Variants in TUSC3 observed in about 807,000 individuals in gnomAD.
The protein encoded by TUSC3 is tumor suppressor candidate 3.
In TUSC3, 45 loss-of-function variants were observed where a neutral mutation model predicts 44.8. The observed-to-expected ratio is 1.00, with a 90% CI of 0.79 to 1.29. The LOEUF (loss-of-function observed/expected upper bound fraction) is 1.29, where lower values mean the gene tolerates loss of function less well. TUSC3 is among the 50% of genes most tolerant of loss of function. The pLI is 0.00. For synonymous variants in TUSC3, 212 were observed against 152.9 expected, an observed-to-expected ratio of 1.39 and a Z score of -2.85; for missense variants, 519 against 437.9, an observed-to-expected ratio of 1.19 and a Z score of -1.65.
At chr8:15,496,809 G>A (rs773810583) in intron 2 of TUSC3, among the ~76,000 whole-genome samples, 2 of 152,096 alleles carry the variant, frequency 1.3e-5, no homozygotes, top group South Asian at 2.1e-4. Flanking sequence ...TCACACTCAC[G>A]ATACATCACA....
Position 15,765,300 on chromosome 8 carries a change from A to G in TUSC3, c.*1144A>G, listed in dbSNP as rs774160275. On this transcript the variant is annotated 3_prime_UTR_variant, in exon 11 of 11. Transcript: ENST00000503731. ...ATGGATTTTTATATTCTGTGGAGTT[A>G]TCCAAATTAATTAGGGTTTAGGAAA... The G allele has an allele frequency of 4.6e-5, 7 of 152,014 alleles. No homozygotes were observed. The highest frequency in any genetic ancestry group is 6.6e-5 in the Admixed American group (1 of 15,236). The allele number at this position is 152,014 out of a possible 1,614,324, so 9.4% of individuals were successfully genotyped here.
At chr8:15,814,316 G>T in the TUSC3 span, among the ~76,000 whole-genome samples, 2 of 152,054 alleles carry the variant, frequency 1.3e-5, no homozygotes, top group African/African-American at 4.8e-5. Flanking sequence ...GAAGACATAA[G>T]CGCACCAAAA....
At chr8:15,691,436 G>T (rs1384370037) in intron 6 of TUSC3, among the ~76,000 whole-genome samples, 1 of 152,152 alleles carries the variant, frequency 6.6e-6, no homozygotes, top group Non-Finnish European at 1.5e-5. Flanking sequence ...TCTAGGTGGA[G>T]AGTTAAATTG....
chr8:15,541,630 C>T (rs750238723), intron 1 of TUSC3, among the ~76,000 whole-genome samples: 3 of 152,092 alleles, frequency 2.0e-5, no homozygotes, highest in African/African-American at 7.2e-5. Flanking sequence ...ATGTACCTCT[C>T]TTCAGCTTTT....
intron 1 of TUSC3, among the ~76,000 whole-genome samples, chr8:15,462,665 A>C (rs1205906378): frequency 6.6e-6 from 1 of 152,152 alleles, no homozygotes; most frequent in Non-Finnish European, 1.5e-5. Flanking sequence ...GTTGGTTCGC[A>C]GGCATTTAAT....
At chr8:15,661,881 C>T (rs988189738) in intron 4 of TUSC3, among the ~76,000 whole-genome samples, 2 of 151,844 alleles carry the variant, frequency 1.3e-5, no homozygotes, top group Non-Finnish European at 2.9e-5. Context: ...TCTGAATGGG[C>T]ATTTCTTCAT....
At chr8:15,782,327 TA>T in the TUSC3 span, among the ~76,000 whole-genome samples, 2 of 152,016 alleles carry the variant, frequency 1.3e-5, no homozygotes, top group Non-Finnish European at 2.9e-5. Context: ...AATTTTTTTT[TA>T]AGTAGCCAGG....
chr8:15,486,931 C>G (rs1276014387), intron 2 of TUSC3, among the ~76,000 whole-genome samples: 2 of 152,162 alleles, frequency 1.3e-5, no homozygotes, highest in Admixed American at 1.3e-4. Flanking sequence ...TCACTTAAAT[C>G]TTGCATCTTT....
chr8:15,826,228 G>C, the TUSC3 span, among the ~76,000 whole-genome samples: 32 of 152,146 alleles, frequency 2.1e-4, no homozygotes, highest in East Asian at 5.8e-3. Context: ...GGCTGCAGTG[G>C]GAATTTTGAA....
Position 15,563,882 on chromosome 8 carries a change from G to T in TUSC3, c.138+23314G>T, listed in dbSNP as rs577439522. Among the ~76,000 whole-genome samples, 19 of 152,038 alleles carry T rather than the reference G, an allele frequency of 1.2e-4. No individual in the cohort carries two copies. In the South Asian group the frequency reaches 4.0e-3, roughly 32 times the overall value. ...GTAGTCTCAGAATACCTATTAAACT[G>T]GTCTGGAAGTCTGGAAGATTGATAG... On this transcript the variant is annotated intron_variant, in intron 1 of 10. Coordinates refer to ENST00000503731, the MANE Select transcript of TUSC3 (RefSeq NM_006765.4).
At chr8:15,476,191 A>G (rs1800573359) in intron 1 of TUSC3, among the ~76,000 whole-genome samples, 1 of 152,206 alleles carries the variant, frequency 6.6e-6, no homozygotes, top group African/African-American at 2.4e-5. Flanking sequence ...CGTTTAAAGA[A>G]TTTTTAAAAC....
chr8:15,828,422 G>C, the TUSC3 span, among the ~76,000 whole-genome samples: 21 of 152,132 alleles, frequency 1.4e-4, no homozygotes, highest in African/African-American at 5.1e-4. Context: ...CCATTGAACA[G>C]AGCACTATTT....
At chr8:15,447,177 G>A (rs7816415) in intron 1 of TUSC3, among the ~76,000 whole-genome samples, 56 of 152,132 alleles carry the variant, frequency 3.7e-4, no homozygotes, top group African/African-American at 1.3e-3. Context: ...ATCAAGAATA[G>A]TTATTCAGGA....
intron 1 of TUSC3, among the ~76,000 whole-genome samples, chr8:15,568,236 A>G (rs1275502548): frequency 1.3e-5 from 2 of 152,186 alleles, no homozygotes; most frequent in African/African-American, 4.8e-5. Flanking sequence ...TAAGCAAAAA[A>G]CACAAAGAGA....
intron 2 of TUSC3, among the ~76,000 whole-genome samples, chr8:15,532,975 T>C (rs1563276131): frequency 6.6e-6 from 1 of 152,196 alleles, no homozygotes; most frequent in African/African-American, 2.4e-5. Flanking sequence ...GTATTTTTAG[T>C]AGAGACAAGG....
At chr8:15,464,934 C>G (rs1165463081) in intron 1 of TUSC3, among the ~76,000 whole-genome samples, 1 of 152,158 alleles carries the variant, frequency 6.6e-6, no homozygotes, top group East Asian at 1.9e-4. Flanking sequence ...ACTGCAACCT[C>G]TTCCTCCCAG....
At chr8:15,839,125 G>A in the TUSC3 span, among the ~76,000 whole-genome samples, 2 of 152,078 alleles carry the variant, frequency 1.3e-5, no homozygotes, top group African/African-American at 4.8e-5. Flanking sequence ...AAGCAATTGT[G>A]AATGGGAGTT....
chr8:15,659,804 A>G (rs1204381063), intron 4 of TUSC3, among the ~76,000 whole-genome samples, 157 bp downstream of exon 4: 1 of 152,110 alleles, frequency 6.6e-6, no homozygotes, highest in Non-Finnish European at 1.5e-5. Flanking sequence ...AAGTTGGACT[A>G]TTAGCTGAAT....
the TUSC3 span, among the ~76,000 whole-genome samples, chr8:15,778,309 A>G: frequency 1.3e-5 from 2 of 152,142 alleles, no homozygotes; most frequent in Non-Finnish European, 2.9e-5. Context: ...GTACTGAAAA[A>G]CATTTTCCCA....
Sources: gnomAD v4.1 joint callset for allele counts (sites outside exome capture counted in the v4.1 genomes callset) on GRCh38, gnomAD v4.1.1 for gene constraint, MANE v1.5 for transcripts, NCBI Gene and HGNC (gene_info 2026-07-23, HGNC 2026-07-21) for gene names.